The following STAT2 variants were observed in gnomAD, a reference collection of about 807,000 sequenced individuals.
STAT2 encodes the protein interferon alpha induced transcriptional activator.
In STAT2, 51 loss-of-function variants were observed where a neutral mutation model predicts 122.3. The observed-to-expected ratio is 0.42, with a 90% confidence interval of 0.33 to 0.53. The LOEUF (loss-of-function observed/expected upper bound fraction) is 0.53, where lower values mean the gene tolerates loss of function less well. STAT2 is among the 20% of genes least tolerant of loss of function. The pLI is 0.10. For missense variants in STAT2, 736 were observed against 1,010.3 expected, an observed-to-expected ratio of 0.73 and a Z score of 3.68; for synonymous variants, 351 against 394.9, an observed-to-expected ratio of 0.89 and a Z score of 1.32.
intron 19 of STAT2, among the ~76,000 whole-genome samples, chr12:56,348,221 G>A (rs1644810393): frequency 6.6e-6 from 1 of 151,366 alleles, no homozygotes; most frequent in Non-Finnish European, 1.5e-5. Context: ...CTGAGTAGCT[G>A]GGACTACAGG....
At position 56,346,479 on chromosome 12, in the gene STAT2, G is replaced by A; in HGVS notation, c.2007C>T (p.Pro669=). 6.2e-7 allele frequency: 1 copy of A among 1,614,168 alleles called. No individual in the cohort carries two copies. The highest frequency in any genetic ancestry group is 8.5e-7 in the Non-Finnish European group (1 of 1,180,042). The change falls in exon 21 of 24, where the codon CCC becomes CCT. Residue 669 remains proline, a synonymous_variant. Transcript: ENST00000314128. ...AGTAGCACCCAAAAGCTTCATCCCG[G>A]GGGATTCGGGGATAGAGGAAGCGCA... ...NPLRFLYPRI[P]RDEAFGCYYQ... is the part of the protein sequence containing the mutation.
At chr12:56,349,961 A>C (rs1878185421) in intron 13 of STAT2, 136 bp downstream of exon 13, 2 of 770,896 alleles carry the variant, frequency 2.6e-6, no homozygotes, top group Non-Finnish European at 4.3e-6. Context: ...AGACAGAAGA[A>C]TTGCTTGAAC....
chr12:56,353,015 GCT>G (rs1878792092), intron 8 of STAT2, among the ~76,000 whole-genome samples: 1 of 147,892 alleles, frequency 6.8e-6, no homozygotes, highest in Non-Finnish European at 1.5e-5. Flanking sequence ...ACGGAGTCTC[GCT>G]CTGTCACCCA....
At chr12:56,359,993 T>C in intron 1 of STAT2, 65 bp downstream of exon 1, 2 of 969,518 alleles carry the variant, frequency 2.1e-6, no homozygotes, top group South Asian at 4.8e-5. Context: ...CAGTCGCCCT[T>C]CCCTCGGAGG....
rs1486042806 is a variant in STAT2, at chr12:56,349,195, G to A, written c.1408C>T (p.Leu470Phe). ...TTTGGGCTGAGCAAATTGAACCAGAGAACTGAAGCCCAGGCAATTGAGAGC... is the reference window on the plus strand; with the variant it reads ...TTTGGGCTGAGCAAATTGAACCAGAAAACTGAAGCCCAGGCAATTGAGAGC... ...NQLSIAWASV[L>F]WFNLLSPNLQ... Residue 470 changes from leucine (L) to phenylalanine (F), a missense_variant, in exon 16 of 24, where the codon CTC becomes TTC. Coordinates refer to ENST00000314128, the MANE Select transcript of STAT2 (RefSeq NM_005419.4). 7 of 1,614,050 alleles carry A rather than the reference G, an allele frequency of 4.3e-6. No homozygotes were observed. Among genetic ancestry groups the A allele is most frequent in the South Asian group, 1.1e-5 (1 of 91,074 alleles).
In STAT2 at chr12:56,346,921, G is replaced by C; in HGVS notation, c.1759C>G (p.Arg587Gly). The part of the protein sequence containing the change: ...IMGFVSRSQE[R>G]RLLKKTMSGT... ...GACATGGTCTTCTTCAGCAGCCGGC[G>C]CTCCTGGCTCCGACTCACAAAGCCC... The change falls in exon 20 of 24, where the codon CGC becomes GGC. Residue 587 changes from arginine to glycine, a missense_variant. Physicochemically the swap from Arg to Gly is moderately radical, Grantham distance 125. Transcript: ENST00000314128. 3 of 1,614,130 alleles carry C rather than the reference G, an allele frequency of 1.9e-6. No homozygotes were observed. The highest frequency in any genetic ancestry group is 2.5e-6 in the Non-Finnish European group (3 of 1,180,026).
intron 11 of STAT2, 152 bp downstream of exon 11, chr12:56,350,677 G>C (rs1351696279): frequency 1.1e-6 from 1 of 920,586 alleles, no homozygotes; most frequent in East Asian, 2.4e-5. Context: ...ATGTCACAAA[G>C]TAAGTGTTCA....
intron 3 of STAT2, 26 bp downstream of exon 3, chr12:56,356,106 C>T (rs780428423): frequency 1.2e-6 from 2 of 1,609,624 alleles, no homozygotes; most frequent in East Asian, 2.2e-5. Context: ...CAGTGCTACC[C>T]CATCACTCCC....
Position 56,344,231 on chromosome 12 carries a change from G to C in STAT2, c.2103-96C>G, listed in dbSNP as rs1460495295. On this transcript the variant is annotated intron_variant, in intron 22 of 23. Transcript: ENST00000314128. The stretch of plus-strand genomic sequence containing the variant: ...CAGAAGCTAGTCTAAGAAGGCAGTA[G>C]GGCGGAGGGCTAAAGAGCATGGGTT... 15 of 1,448,024 alleles carry C rather than the reference G, an allele frequency of 1.0e-5. No individual in the cohort carries two copies. In the Admixed American group the frequency reaches 1.2e-4, roughly 11 times the overall value. The allele number at this position is 1,448,024 out of a possible 1,614,324, so 89.7% of individuals were successfully genotyped here.
In STAT2 at chr12:56,346,206, G is replaced by A. The variant is rs1877429533; in HGVS notation, c.2045-3C>T. On this transcript the variant is annotated splice_region_variant and splice_polypyrimidine_tract_variant and intron_variant, in intron 21 of 23. Coordinates refer to ENST00000314128, the MANE Select transcript of STAT2 (RefSeq NM_005419.4). The stretch of plus-strand genomic sequence containing the variant: ...TTTCCTCCGTTCCTGGAGATTAACT[G>A]TGAGGAACATATACAAGAAGCAGAG... 6.2e-7 allele frequency: 1 copy of A among 1,614,020 alleles called. No homozygotes were observed. Among genetic ancestry groups the A allele is most frequent in the South Asian group, 1.1e-5 (1 of 91,080 alleles).
At chr12:56,349,834 AG>A in intron 13 of STAT2, 198 bp from the exon 14 acceptor site, 1 of 715,312 alleles carries the variant, frequency 1.4e-6, no homozygotes, top group Non-Finnish European at 2.3e-6. Context: ...GGATCACCTG[AG>A]GTCAGGAGTT....
In STAT2 at chr12:56,351,295, T is replaced by C. The variant is rs771987035; in HGVS notation, c.938A>G (p.His313Arg). 6 of 1,613,908 alleles carry C rather than the reference T, an allele frequency of 3.7e-6. No individual in the cohort carries two copies. Among genetic ancestry groups the C allele is most frequent in the Non-Finnish European group, 5.1e-6 (6 of 1,179,942 alleles). Residue 313 changes from histidine (H) to arginine (R), a missense_variant, in exon 9 of 24, where the codon CAC (histidine) becomes CGC (arginine). His to Arg is a conservative substitution (Grantham distance 29). Transcript: ENST00000314128. ...GGTTCCTGCCTGGCCTCTAGACCTG[T>C]GGAGCAGACGCTGTAGCAACTCTGT... The part of the protein sequence containing the change: ...QVTELLQRLL[H>R]RAFVVETQPC...
At position 56,351,123 on chromosome 12, in the gene STAT2, C is replaced by T. The variant is rs1455054926; in HGVS notation, c.1009G>A (p.Gly337Ser). The T allele has an allele frequency of 2.5e-6, 4 of 1,613,980 alleles. No homozygotes were observed. Among genetic ancestry groups the T allele is most frequent in the South Asian group, 1.1e-5 (1 of 91,052 alleles). The change falls in exon 10 of 24, where the codon GGC (glycine) becomes AGC (serine). Residue 337 changes from glycine (G) to serine (S), a missense_variant. By Grantham distance (56) the Gly-to-Ser change is moderately conservative. Transcript: ENST00000314128. ...CTTGTTCGGACGGTGAACTTGCTGC[C>T]AGTCTTGAGGATGAGGGGTCGATGG... The part of the protein sequence containing the change: ...TPHRPLILKT[G>S]SKFTVRTRLL...
At position 56,356,460 on chromosome 12, in the gene STAT2, A is replaced by T; in HGVS notation, c.112T>A (p.Trp38Arg). Residue 38 changes from tryptophan (W) to arginine (R), a missense_variant, in exon 2 of 24, where the codon TGG (tryptophan) becomes AGG (arginine). Trp to Arg is a moderately radical substitution (Grantham distance 101). Transcript: ENST00000314128. ...PVDIRQYLAV[W>R]IEDQNWQEAA... Reference sequence around the variant, plus strand: ...CCTCACCAGTTCTGGTCTTCAATCCAGACAGCCAAGTACTGTCGAATGTCC... The same window carrying T: ...CCTCACCAGTTCTGGTCTTCAATCCTGACAGCCAAGTACTGTCGAATGTCC... 6.2e-7 allele frequency: 1 copy of T among 1,614,060 alleles called. No individual in the cohort carries two copies. Among genetic ancestry groups the T allele is most frequent in the Non-Finnish European group, 8.5e-7 (1 of 1,180,024 alleles).
chr12:56,349,810 A>G (rs1408344144), intron 13 of STAT2, 174 bp from the exon 14 acceptor site: 1 of 847,386 alleles, frequency 1.2e-6, no homozygotes, highest in Non-Finnish European at 1.9e-6. Context: ...GCACTTTGGG[A>G]GGCTGAGGCG....
At chr12:56,345,518 A>ATATATATATATATATATATATAT (rs1302088781) in intron 22 of STAT2, among the ~76,000 whole-genome samples, 1 of 25,434 alleles carries the variant, frequency 3.9e-5, no homozygotes, top group African/African-American at 5.3e-4. Flanking sequence ...AAAAAAAAAA[A>ATATATATATATATATATATATAT]AAAAAAATAT....
chr12:56,349,753 T>C, intron 13 of STAT2, 117 bp from the exon 14 acceptor site: 1 of 1,387,024 alleles, frequency 7.2e-7, no homozygotes, highest in Non-Finnish European at 1.0e-6. Flanking sequence ...CCCTGTTCCT[T>C]TGGACTAAAA....
At chr12:56,350,794 C>T (rs748704195) in intron 11 of STAT2, 35 bp downstream of exon 11, 8 of 1,612,256 alleles carry the variant, frequency 5.0e-6, no homozygotes, top group Non-Finnish European at 6.8e-6. Context: ...CCCAGCAGCC[C>T]GTGTCCTGGC....
chr12:56,354,006 AAAAAAAAAAAATATATATAT>A (rs1328983071), intron 8 of STAT2, among the ~76,000 whole-genome samples: 690 of 22,026 alleles, frequency 0.031, 41 homozygotes, highest in Middle Eastern at 0.042. Flanking sequence ...AAAAAAAAAA[AAAAAAAAAAAATATATATAT>A]ATATATATAT....
Sources: gnomAD v4.1 joint callset for allele counts (sites outside exome capture counted in the v4.1 genomes callset) on GRCh38, gnomAD v4.1.1 for gene constraint, MANE v1.5 for transcripts, NCBI Gene and HGNC (gene_info 2026-07-23, HGNC 2026-07-21) for gene names.